SPAG17: variants seen among roughly 807,000 people sequenced by gnomAD.
SPAG17 encodes the protein sperm associated antigen 17, also known as sperm-associated antigen 17.
Under a neutral mutation model 273.6 loss-of-function variants are expected in SPAG17, and 169 were observed. That is an observed-to-expected ratio of 0.62 (90% CI 0.55 to 0.70). SPAG17 has a LOEUF of 0.70. Among genes scored for constraint, SPAG17 ranks in the 30% least tolerant of loss-of-function variants. SPAG17 has a pLI of 0.00. For synonymous variants in SPAG17, 825 were observed against 873.2 expected (o/e 0.94, Z 0.97); for missense variants, 2,557 against 2,627.8 (o/e 0.97, Z 0.59).
intron 41 of SPAG17, 110 bp downstream of exon 41, chr1:117,984,573 T>A (rs1656194273): frequency 1.4e-6 from 1 of 695,896 alleles, no homozygotes; most frequent in African/African-American, 1.8e-5. Context: ...GCCAGGTCGA[T>A]GCAGGAAAGA....
intron 3 of SPAG17, among the ~76,000 whole-genome samples, chr1:118,122,491 T>C (rs1283799182): frequency 1.3e-5 from 2 of 152,200 alleles, no homozygotes; most frequent in South Asian, 2.1e-4. Flanking sequence ...ACCTCATCCT[T>C]TTAACATCTA....
chr1:117,975,067 C>A (rs1654989013), intron 43 of SPAG17, among the ~76,000 whole-genome samples: 2 of 152,158 alleles, frequency 1.3e-5, no homozygotes, highest in Non-Finnish European at 2.9e-5. Context: ...ACAGCGATAA[C>A]CCCATCTTGC....
At chr1:118,037,625 G>C (rs938816079) in intron 23 of SPAG17, among the ~76,000 whole-genome samples, 11 of 152,088 alleles carry the variant, frequency 7.2e-5, no homozygotes, top group African/African-American at 2.7e-4. Context: ...TCCTGTGTTA[G>C]TTCGCTTAGG....
intron 7 of SPAG17, among the ~76,000 whole-genome samples, chr1:118,096,917 C>G (rs1431705297): frequency 6.6e-6 from 1 of 152,084 alleles, no homozygotes; most frequent in South Asian, 2.1e-4. Flanking sequence ...TTAGGATAGA[C>G]CTTCTTGGCC....
In SPAG17 at chr1:117,981,330, C is replaced by A. The variant is rs369141183; in HGVS notation, c.5944G>T (p.Ala1982Ser). The A allele has an allele frequency of 3.7e-6, 6 of 1,602,256 alleles. No homozygotes were observed. The East Asian group carries it at 9.0e-5, about 24-fold the overall frequency. The change falls in exon 43 of 49, where the codon GCA becomes TCA. Residue 1982 changes from alanine (A) to serine (S), a missense_variant. Transcript: ENST00000336338. ...VPSLPKPEISADKKDFTAQNQ... is the reference protein window; with the variant it reads ...VPSLPKPEISSDKKDFTAQNQ... ...TGAGCAGTGAAATCCTTCTTATCTG[C>A]AGAAATCTCTGGTTTTGGAAGACTA...
At chr1:118,170,445 G>A (rs977541756) in intron 1 of SPAG17, among the ~76,000 whole-genome samples, 8 of 152,184 alleles carry the variant, frequency 5.3e-5, no homozygotes, top group Non-Finnish European at 1.2e-4. Context: ...TGCTTTAAGA[G>A]AGCCTCAAAG....
intron 20 of SPAG17, among the ~76,000 whole-genome samples, chr1:118,044,715 T>G (rs1313416640): frequency 6.6e-6 from 1 of 152,106 alleles, no homozygotes; most frequent in Non-Finnish European, 1.5e-5. Flanking sequence ...CCCCTTGCTG[T>G]TCTTATGATA....
intron 3 of SPAG17, among the ~76,000 whole-genome samples, chr1:118,134,044 C>T (rs563531272): frequency 3.3e-5 from 5 of 152,200 alleles, no homozygotes; most frequent in Non-Finnish European, 7.3e-5. Flanking sequence ...TAAATTGGAA[C>T]TATCAGAAGG....
chr1:117,953,734 G>C lies in SPAG17; in HGVS notation c.*316C>G, dbSNP rs1651763102. Reference sequence around the variant, plus strand: ...AGTCCTGAATCTCTTTGATCAATATGTGCTCCTTTCAGGTGTTCCTGGGAC... The same window carrying C: ...AGTCCTGAATCTCTTTGATCAATATCTGCTCCTTTCAGGTGTTCCTGGGAC... On this transcript the variant is annotated 3_prime_UTR_variant, in exon 49 of 49. Coordinates refer to ENST00000336338, the MANE Select transcript of SPAG17 (RefSeq NM_206996.4). 1.1e-5 allele frequency: 7 copies of C among 630,404 alleles called. No individual in the cohort carries two copies. The Admixed American group carries it at 2.1e-4, about 19-fold the overall frequency. The allele number at this position is 630,404 out of a possible 1,614,324, so 39.1% of individuals were successfully genotyped here.
Position 118,177,059 on chromosome 1 carries a change from G to A in SPAG17, c.87+8012C>T, listed in dbSNP as rs188683598. On this transcript the variant is annotated intron_variant, in intron 1 of 48. Transcript: ENST00000336338. ...GAATACAGCAAAATAAATATTAAGAGGAAAGTTTATTGGAATACACTTGTA... is the reference window on the plus strand; with the variant it reads ...GAATACAGCAAAATAAATATTAAGAAGAAAGTTTATTGGAATACACTTGTA... Among the ~76,000 whole-genome samples the A allele has an allele frequency of 1.8e-4, 27 of 152,146 alleles. No individual in the cohort carries two copies. The East Asian group carries it at 5.2e-3, about 29-fold the overall frequency.
intron 3 of SPAG17, among the ~76,000 whole-genome samples, chr1:118,139,973 C>T (rs1412777293): frequency 5.9e-5 from 9 of 152,028 alleles, no homozygotes; most frequent in African/African-American, 2.2e-4. Flanking sequence ...AGGAGGGGAA[C>T]TTGTAGCTTT....
chr1:118,050,960 AT>A lies in SPAG17; in HGVS notation c.2814+3041del, dbSNP rs1650941614. 6.8e-4 allele frequency among the ~76,000 whole-genome samples: 103 copies of A among 152,190 alleles called. 1 individual carries two copies. Among genetic ancestry groups the A allele is most frequent in the African/African-American group, 2.4e-3 (98 of 41,442 alleles). On this transcript the variant is annotated intron_variant, in intron 20 of 48. Coordinates refer to ENST00000336338, the MANE Select transcript of SPAG17 (RefSeq NM_206996.4). ...AATCAACAAAGCGAAGAAATAACCT[AT>A]GGAATAGGACATAATATTTGAAAAC...
chr1:117,963,609 C>A, intron 48 of SPAG17, 190 bp downstream of exon 48: 1 of 395,512 alleles, frequency 2.5e-6, no homozygotes. Flanking sequence ...TGTGATCCAC[C>A]CACCTCGGCC....
intron 34 of SPAG17, among the ~76,000 whole-genome samples, chr1:117,995,649 T>C (rs1467977270): frequency 1.3e-4 from 20 of 151,464 alleles, no homozygotes; most frequent in Admixed American, 1.3e-3. Context: ...GGCATATTTA[T>C]AAATGCACAC....
At chr1:118,064,424 A>G (rs1329708703) in intron 18 of SPAG17, among the ~76,000 whole-genome samples, 2 of 151,794 alleles carry the variant, frequency 1.3e-5, no homozygotes, top group African/African-American at 4.8e-5. Flanking sequence ...TGAAGAGTTC[A>G]TGTCCTTTGT....
At chr1:118,074,433 CT>C in intron 16 of SPAG17, 105 bp downstream of exon 16, 1 of 941,286 alleles carries the variant, frequency 1.1e-6, no homozygotes, top group East Asian at 2.6e-5. Context: ...CCTCAGTATT[CT>C]CCTTCTAAGT....
intron 16 of SPAG17, among the ~76,000 whole-genome samples, chr1:118,074,212 G>T (rs1653877894): frequency 6.6e-6 from 1 of 151,944 alleles, no homozygotes; most frequent in Non-Finnish European, 1.5e-5. Context: ...AGTCCTGTTA[G>T]CAATTACAGG....
chr1:118,099,412 C>G (rs1298679307), intron 6 of SPAG17, among the ~76,000 whole-genome samples, 194 bp downstream of exon 6: 1 of 152,172 alleles, frequency 6.6e-6, no homozygotes, highest in East Asian at 1.9e-4. Flanking sequence ...GATATAAATA[C>G]AGGGTATGAT....
At chr1:118,149,644 G>A (rs1002005284) in intron 3 of SPAG17, among the ~76,000 whole-genome samples, 2 of 152,154 alleles carry the variant, frequency 1.3e-5, no homozygotes, top group Admixed American at 6.6e-5. Context: ...TAAATCCAAT[G>A]AAACTTGTTC....
Sources: gnomAD v4.1 joint callset for allele counts (sites outside exome capture counted in the v4.1 genomes callset) on GRCh38, gnomAD v4.1.1 for gene constraint, MANE v1.5 for transcripts, NCBI Gene and HGNC (gene_info 2026-07-23, HGNC 2026-07-21) for gene names.